Variants in ADAMTS19 observed in about 807,000 individuals in gnomAD.
ADAMTS19 encodes the protein A disintegrin and metalloproteinase with thrombospondin motifs 19.
Under a neutral mutation model 153.3 loss-of-function variants are expected in ADAMTS19, and 93 were observed. The observed-to-expected ratio is 0.61, with a 90% CI of 0.51 to 0.72. The LOEUF (loss-of-function observed/expected upper bound fraction) is 0.72. Ranked by LOEUF, ADAMTS19 falls within the 30% of genes least tolerant of loss-of-function variation. The pLI, the probability that ADAMTS19 is intolerant of heterozygous loss-of-function variation, is 0.00. For missense variants in ADAMTS19, 1,482 were observed against 1,552.1 expected, an observed-to-expected ratio of 0.95 and a Z score of 0.76; for synonymous variants, 600 against 556.6, an observed-to-expected ratio of 1.08 and a Z score of -1.10.
chr5:129,525,590 G>A (rs1751979072), intron 3 of ADAMTS19, among the ~76,000 whole-genome samples: 2 of 151,942 alleles, frequency 1.3e-5, no homozygotes, highest in South Asian at 4.1e-4. Context: ...TATGATAGTG[G>A]AAATGTTTTA....
rs1237928682 is a variant in ADAMTS19, at chr5:129,658,675, G to T, written c.2363G>T (p.Cys788Phe). The T allele has an allele frequency of 1.2e-6, 2 of 1,613,044 alleles. No homozygotes were observed. Among genetic ancestry groups the T allele is most frequent in the Non-Finnish European group, 8.5e-7 (1 of 1,179,496 alleles). The part of the protein sequence containing the change: ...SLAREDHCGV[C>F]NGNGKSCKII... ...GCAAGAGAAGATCATTGTGGTGTATGCAATGGCAATGGAAAATCATGCAAG... is the reference window on the plus strand; with the variant it reads ...GCAAGAGAAGATCATTGTGGTGTATTCAATGGCAATGGAAAATCATGCAAG... The change falls in exon 15 of 23, where the codon TGC (cysteine) becomes TTC (phenylalanine). Residue 788 changes from cysteine (C) to phenylalanine (F), a missense_variant. Physicochemically the swap from Cys to Phe is radical, Grantham distance 205 (BLOSUM62 -2). Coordinates refer to ENST00000274487, the MANE Select transcript of ADAMTS19 (RefSeq NM_133638.6).
intron 10 of ADAMTS19, among the ~76,000 whole-genome samples, chr5:129,636,550 T>C (rs1752543275): frequency 6.6e-6 from 1 of 152,220 alleles, no homozygotes; most frequent in Admixed American, 6.5e-5. Flanking sequence ...GCTTCATGCA[T>C]TGGCTGTCCA....
intron 2 of ADAMTS19, among the ~76,000 whole-genome samples, chr5:129,466,099 C>T (rs564674830): frequency 2.6e-5 from 4 of 152,282 alleles, no homozygotes; most frequent in South Asian, 2.1e-4. Flanking sequence ...ACATATGTGT[C>T]GCTAACACAG....
At chr5:129,567,250 A>T (rs1387203788) in intron 7 of ADAMTS19, among the ~76,000 whole-genome samples, 1 of 152,200 alleles carries the variant, frequency 6.6e-6, no homozygotes, top group Admixed American at 6.5e-5. Flanking sequence ...AAAAATTAAC[A>T]TTCTTCATAA....
At chr5:129,727,810 TG>T (rs994466714) in intron 21 of ADAMTS19, among the ~76,000 whole-genome samples, 3 of 152,158 alleles carry the variant, frequency 2.0e-5, no homozygotes, top group Admixed American at 6.6e-5. Context: ...TAGCATTGAA[TG>T]GAGGAAAAAC....
chr5:129,492,772 C>T (rs1488727865), intron 2 of ADAMTS19, among the ~76,000 whole-genome samples: 2 of 152,086 alleles, frequency 1.3e-5, no homozygotes, highest in African/African-American at 4.8e-5. Context: ...AGAAACTTAT[C>T]ACACACATTT....
intron 2 of ADAMTS19, among the ~76,000 whole-genome samples, chr5:129,465,535 T>C (rs886967910): frequency 1.3e-5 from 2 of 152,184 alleles, no homozygotes; most frequent in African/African-American, 4.8e-5. Context: ...ATACAGAATC[T>C]GGAGCCTTTT....
At position 129,676,063 on chromosome 5, in the gene ADAMTS19, C is replaced by T. The variant is rs181286791; in HGVS notation, c.2507-3701C>T. 2.1e-3 allele frequency among the ~76,000 whole-genome samples: 326 copies of T among 152,034 alleles called. 1 individual carries two copies. Among genetic ancestry groups the T allele is most frequent in the African/African-American group, 6.9e-3 (285 of 41,498 alleles). Reference sequence around the variant, plus strand: ...AAAAATAATAATAATAAAAAAAAGCCTTGGTCTACAAATTCTGTCATCTCT... The same window carrying T: ...AAAAATAATAATAATAAAAAAAAGCTTTGGTCTACAAATTCTGTCATCTCT... On this transcript the variant is annotated intron_variant, in intron 16 of 22. Transcript: ENST00000274487.
chr5:129,658,357 GAA>G (rs869270923), intron 14 of ADAMTS19, among the ~76,000 whole-genome samples: 7 of 150,474 alleles, frequency 4.7e-5, no homozygotes, highest in Admixed American at 2.6e-4. Flanking sequence ...AAGAAAGAAA[GAA>G]AGAAAGAAAG....
intron 20 of ADAMTS19, among the ~76,000 whole-genome samples, chr5:129,702,936 AAAAAAATATAT>A (rs1302306207): frequency 3.6e-5 from 1 of 28,132 alleles, no homozygotes; most frequent in Non-Finnish European, 1.0e-4. Flanking sequence ...TGCCAAAAAA[AAAAAAATATAT>A]ATATATATAT....
At chr5:129,537,629 A>T in intron 6 of ADAMTS19, among the ~76,000 whole-genome samples, 1 of 152,146 alleles carries the variant, frequency 6.6e-6, no homozygotes, top group Non-Finnish European at 1.5e-5. Flanking sequence ...CTTTGTAGGG[A>T]CATGGATGAA....
intron 21 of ADAMTS19, among the ~76,000 whole-genome samples, chr5:129,734,376 A>T (rs1408471965): frequency 6.6e-6 from 1 of 152,000 alleles, no homozygotes; most frequent in East Asian, 1.9e-4. Context: ...TAATACTAAC[A>T]TCATCTAATC....
At chr5:129,680,288 C>T (rs1171599509) in intron 17 of ADAMTS19, among the ~76,000 whole-genome samples, 2 of 152,058 alleles carry the variant, frequency 1.3e-5, no homozygotes, top group Non-Finnish European at 2.9e-5. Flanking sequence ...CCATGAATGG[C>T]CATTATCTGA....
intron 3 of ADAMTS19, among the ~76,000 whole-genome samples, chr5:129,510,459 A>G (rs905870097): frequency 6.6e-5 from 10 of 151,898 alleles, no homozygotes; most frequent in Non-Finnish European, 7.4e-5. Flanking sequence ...TGTCCACAAA[A>G]TCAAGCCAGT....
Position 129,651,475 on chromosome 5 carries a change from T to C in ADAMTS19, c.2176+2505T>C, listed in dbSNP as rs894226410. 4.6e-5 allele frequency among the ~76,000 whole-genome samples: 7 copies of C among 152,298 alleles called. No individual in the cohort carries two copies. The South Asian group carries it at 8.3e-4, about 18-fold the overall frequency. On this transcript the variant is annotated intron_variant, in intron 13 of 22. Coordinates refer to ENST00000274487, the MANE Select transcript of ADAMTS19 (RefSeq NM_133638.6). ...CCTGCCTCATTTCCATCATTCTCTT[T>C]TATAGAATCCTATATGGCCAGGCTG...
intron 8 of ADAMTS19, among the ~76,000 whole-genome samples, chr5:129,620,417 A>G (rs1253008349): frequency 6.6e-6 from 1 of 152,120 alleles, no homozygotes; most frequent in East Asian, 1.9e-4. Context: ...AAATAAAAAT[A>G]TTTACCTTAA....
chr5:129,460,965 G>C, intron 1 of ADAMTS19, 137 bp from the exon 2 acceptor site: 1 of 1,231,994 alleles, frequency 8.1e-7, no homozygotes, highest in Non-Finnish European at 1.0e-6. Flanking sequence ...GGGTTGCAGA[G>C]TTTCAGGGTC....
At chr5:129,505,301 T>G (rs1204462554) in intron 2 of ADAMTS19, among the ~76,000 whole-genome samples, 1 of 151,992 alleles carries the variant, frequency 6.6e-6, no homozygotes. Flanking sequence ...GATTTGGAAG[T>G]GAGATAGTTG....
chr5:129,648,831 C>T lies in ADAMTS19; in HGVS notation c.2037C>T (p.Pro679=), dbSNP rs1021554916. The T allele has an allele frequency of 1.9e-6, 3 of 1,613,742 alleles. No homozygotes were observed. The East Asian group carries it at 6.7e-5, about 36-fold the overall frequency. The change falls in exon 13 of 23, where the codon CCC becomes CCT. Residue 679 remains proline, a synonymous_variant. Coordinates refer to ENST00000274487, the MANE Select transcript of ADAMTS19 (RefSeq NM_133638.6). ...CTGAAGCAAGGGATTGTAATGGTCC[C>T]AGAAAACAATACAGAATATGTGAGA... The part of the protein sequence containing the change: ...LDSEARDCNG[P]RKQYRICENP...
Sources: allele counts gnomAD v4.1 joint callset (sites outside exome capture counted in the v4.1 genomes callset), GRCh38; gene constraint gnomAD v4.1.1; transcripts MANE v1.5; gene names NCBI Gene and HGNC (gene_info 2026-07-23, HGNC 2026-07-21).